PALLD: variants seen among roughly 807,000 people sequenced by gnomAD.
PALLD encodes palladin, cytoskeletal associated protein, also known as palladin.
PALLD carries 61 observed loss-of-function variants against 123.5 expected under a neutral mutation model. That is an observed-to-expected ratio of 0.49 (90% CI 0.40 to 0.61). The LOEUF is 0.61. Among genes scored for constraint, PALLD ranks in the 20% least tolerant of loss-of-function variants. The probability of loss-of-function intolerance (pLI) is 0.00; values close to 1 mark genes in which losing one functional copy is unlikely to be tolerated. For missense variants in PALLD, 1,273 were observed against 1,377.0 expected, an observed-to-expected ratio of 0.92 and a Z score of 1.20; for synonymous variants, 465 against 496.4, an observed-to-expected ratio of 0.94 and a Z score of 0.84.
At chr4:168,766,343 T>TA (rs1445737269) in intron 10 of PALLD, among the ~76,000 whole-genome samples, 1 of 152,192 alleles carries the variant, frequency 6.6e-6, no homozygotes, top group Non-Finnish European at 1.5e-5. Context: ...TGCTTTCACT[T>TA]AAAAAATAAT....
intron 1 of PALLD, among the ~76,000 whole-genome samples, chr4:168,503,867 C>T (rs950670548): frequency 2.6e-5 from 4 of 152,028 alleles, no homozygotes; most frequent in Admixed American, 6.6e-5. Flanking sequence ...ACCTGCACAT[C>T]GTGCTTTGGA....
intron 10 of PALLD, among the ~76,000 whole-genome samples, chr4:168,858,781 C>CA (rs759850301): frequency 6.1e-5 from 7 of 114,318 alleles, no homozygotes; most frequent in South Asian, 3.6e-4. Context: ...GACCCAGTCT[C>CA]AAAAAAAATA....
intron 7 of PALLD, 22 bp downstream of exon 7, chr4:168,690,766 C>T: frequency 6.2e-7 from 1 of 1,612,718 alleles, no homozygotes; most frequent in Non-Finnish European, 8.5e-7. Flanking sequence ...TGCCCATGTC[C>T]CCAAATCTGA....
chr4:168,811,776 T>A (rs199663653), intron 10 of PALLD, among the ~76,000 whole-genome samples: 18,837 of 143,270 alleles, frequency 0.13, 1,793 homozygotes, highest in African/African-American at 0.27. Flanking sequence ...TCTCTCTCTC[T>A]CACACACACA....
chr4:168,717,520 T>C (rs1166955243), intron 10 of PALLD, among the ~76,000 whole-genome samples: 1 of 152,026 alleles, frequency 6.6e-6, no homozygotes, highest in Non-Finnish European at 1.5e-5. Flanking sequence ...CTGGCTAATT[T>C]TTGTACTTTT....
intron 8 of PALLD, among the ~76,000 whole-genome samples, 187 bp from the exon 9 acceptor site, chr4:168,708,841 A>G (rs559097508): frequency 7.9e-5 from 12 of 152,232 alleles, no homozygotes; most frequent in African/African-American, 1.9e-4. Context: ...TCTACCTCCA[A>G]AGCTTTTTCT....
At chr4:168,728,872 C>G (rs1367644753) in intron 10 of PALLD, among the ~76,000 whole-genome samples, 1 of 152,098 alleles carries the variant, frequency 6.6e-6, no homozygotes, top group African/African-American at 2.4e-5. Context: ...CTCTTCCCCC[C>G]AAGGCCCCAA....
intron 5 of PALLD, among the ~76,000 whole-genome samples, chr4:168,683,901 C>T (rs1417163949): frequency 1.3e-5 from 2 of 152,116 alleles, no homozygotes; most frequent in East Asian, 3.8e-4. Context: ...CCAATAGGTG[C>T]TATCGATATG....
rs58395080 is a variant in PALLD, at chr4:168,709,053, T to G, written c.1527T>G (p.Ala509=). 0.014 allele frequency: 23,179 copies of G among 1,613,366 alleles called. 1,974 individuals carry two copies. The East Asian group carries it at 0.28, about 20-fold the overall frequency. ...EPEEICTLVI[A]ETFPEDAGIF... ...AGGAGATTTGCACCCTAGTTATCGC[T>G]GAGACTTTCCCTGAAGATGCAGGGA... Residue 509 remains alanine, a synonymous_variant, in exon 9 of 22, where the codon GCT becomes GCG. Coordinates refer to ENST00000505667, the MANE Select transcript of PALLD (RefSeq NM_001166108.2).
Position 168,576,250 on chromosome 4 carries a change from A to G in PALLD, c.908+63838A>G, listed in dbSNP as rs147161027. On this transcript the variant is annotated intron_variant, in intron 2 of 21. Transcript: ENST00000505667. ...TTTTCTTTTTTTTTCTTTTTTTATTATTATACTTTGAGTTTTAGGGAACAT... is the reference window on the plus strand; with the variant it reads ...TTTTCTTTTTTTTTCTTTTTTTATTGTTATACTTTGAGTTTTAGGGAACAT... Among the ~76,000 whole-genome samples the G allele has an allele frequency of 4.1e-4, 62 of 150,470 alleles. 1 individual carries two copies. Among genetic ancestry groups the G allele is most frequent in the African/African-American group, 1.4e-3 (58 of 40,898 alleles).
intron 17 of PALLD, among the ~76,000 whole-genome samples, chr4:168,919,817 T>A (rs1353677840): frequency 1.3e-5 from 2 of 152,200 alleles, no homozygotes; most frequent in East Asian, 3.9e-4. Context: ...CTAGTTACAT[T>A]GTGACCTGCT....
chr4:168,758,964 C>T (rs1323481440), intron 10 of PALLD, among the ~76,000 whole-genome samples: 2 of 151,222 alleles, frequency 1.3e-5, no homozygotes, highest in Non-Finnish European at 2.9e-5. Flanking sequence ...CACCTGAGGT[C>T]AGGAGTTCAA....
chr4:168,898,394 A>C, intron 13 of PALLD, 99 bp from the exon 14 acceptor site: 2 of 787,252 alleles, frequency 2.5e-6, no homozygotes, highest in South Asian at 2.9e-5. Context: ...GTATGGTAAA[A>C]ATATCACTGT....
chr4:168,529,355 G>A (rs1764382842), intron 2 of PALLD, among the ~76,000 whole-genome samples: 2 of 151,450 alleles, frequency 1.3e-5, no homozygotes, highest in African/African-American at 4.9e-5. Flanking sequence ...AAAAAAAAAT[G>A]TGTTTTTCTC....
chr4:168,796,793 C>T (rs1025475096), intron 10 of PALLD, among the ~76,000 whole-genome samples: 1 of 152,006 alleles, frequency 6.6e-6, no homozygotes, highest in Non-Finnish European at 1.5e-5. Flanking sequence ...GGATGGATAC[C>T]CACTTACCTT....
In PALLD at chr4:168,867,933, C is replaced by T. The variant is rs1471305354; in HGVS notation, c.1965-22989C>T. Among the ~76,000 whole-genome samples, 4 of 150,944 alleles carry T rather than the reference C, an allele frequency of 2.6e-5. No homozygotes were observed. In the East Asian group the frequency reaches 7.7e-4, roughly 29 times the overall value. Reference sequence around the variant, plus strand: ...AAAAAAAAAAAAGAAAAAAAAAATTCTGAGATAAAACTGGTCTGAGGGTTA... The same window carrying T: ...AAAAAAAAAAAAGAAAAAAAAAATTTTGAGATAAAACTGGTCTGAGGGTTA... On this transcript the variant is annotated intron_variant, in intron 10 of 21. Transcript: ENST00000505667.
At chr4:168,641,090 C>A (rs958033917) in intron 2 of PALLD, among the ~76,000 whole-genome samples, 3 of 151,992 alleles carry the variant, frequency 2.0e-5, no homozygotes, top group African/African-American at 7.3e-5. Flanking sequence ...TGCCTGTAGT[C>A]CCAGCTACTC....
chr4:168,542,720 A>ATATATG (rs1765751071), intron 2 of PALLD, among the ~76,000 whole-genome samples: 1 of 14,482 alleles, frequency 6.9e-5, no homozygotes, highest in Non-Finnish European at 1.7e-4. Context: ...ACCTTTCCAT[A>ATATATG]TATATATATA....
intron 2 of PALLD, among the ~76,000 whole-genome samples, chr4:168,537,090 CT>C (rs1341621203): frequency 6.6e-6 from 1 of 152,204 alleles, no homozygotes; most frequent in Non-Finnish European, 1.5e-5. Flanking sequence ...TCCCAAAATG[CT>C]GGGATTACAG....
Sources: gnomAD v4.1 joint callset for allele counts (sites outside exome capture counted in the v4.1 genomes callset) on GRCh38, gnomAD v4.1.1 for gene constraint, MANE v1.5 for transcripts, NCBI Gene and HGNC (gene_info 2026-07-23, HGNC 2026-07-21) for gene names.